The following MAML3 variants were observed in gnomAD, a reference collection of about 807,000 sequenced individuals.
MAML3 encodes the protein mastermind-like protein 3.
Under a neutral mutation model 101.9 loss-of-function variants are expected in MAML3, and 27 were observed. That is an observed-to-expected ratio of 0.27 (90% CI 0.20 to 0.37). The LOEUF is 0.37. Ranked by LOEUF, MAML3 falls within the 10% of genes least tolerant of loss-of-function variation. The pLI is 1.00. For missense variants in MAML3, 1,316 were observed against 1,444.9 expected, an observed-to-expected ratio of 0.91 and a Z score of 1.45; for synonymous variants, 501 against 555.9, an observed-to-expected ratio of 0.90 and a Z score of 1.39.
intron 1 of MAML3, among the ~76,000 whole-genome samples, chr4:140,071,652 T>A (rs990350749): frequency 1.0e-4 from 14 of 140,262 alleles, no homozygotes; most frequent in East Asian, 2.1e-4. Flanking sequence ...TCTCACAGTT[T>A]AAAAAAAAAA....
At chr4:139,873,764 G>A (rs970728857) in intron 2 of MAML3, among the ~76,000 whole-genome samples, 1 of 152,194 alleles carries the variant, frequency 6.6e-6, no homozygotes, top group Admixed American at 6.5e-5. Flanking sequence ...CCCCAGTCAA[G>A]CCTTCAGATG....
intron 1 of MAML3, among the ~76,000 whole-genome samples, chr4:140,058,693 T>C (rs1406811786): frequency 6.6e-6 from 1 of 152,152 alleles, no homozygotes; most frequent in Non-Finnish European, 1.5e-5. Context: ...AGCTTTCTGG[T>C]ATTCCCATTA....
intron 2 of MAML3, among the ~76,000 whole-genome samples, chr4:139,787,420 A>G (rs759780736): frequency 5.9e-5 from 9 of 152,150 alleles, no homozygotes; most frequent in Non-Finnish European, 1.2e-4. Context: ...CTAAATTATT[A>G]TTATTCCTGT....
At chr4:139,814,280 G>C (rs772645282) in intron 2 of MAML3, among the ~76,000 whole-genome samples, 7 of 152,182 alleles carry the variant, frequency 4.6e-5, no homozygotes, top group Non-Finnish European at 8.8e-5. Context: ...AATTTGTAAA[G>C]CTTTGGAGAG....
At chr4:139,994,666 AAATG>A (rs1236173501) in intron 1 of MAML3, among the ~76,000 whole-genome samples, 1 of 152,190 alleles carries the variant, frequency 6.6e-6, no homozygotes, top group African/African-American at 2.4e-5. Context: ...TCTCTAAATT[AAATG>A]AATGAATTAA....
intron 1 of MAML3, among the ~76,000 whole-genome samples, chr4:139,917,855 CG>C (rs938040175): frequency 6.6e-6 from 1 of 152,068 alleles, no homozygotes; most frequent in Non-Finnish European, 1.5e-5. Flanking sequence ...TTCCATGATC[CG>C]TCTATTAAGG....
intron 1 of MAML3, among the ~76,000 whole-genome samples, chr4:140,015,889 G>A (rs929435954): frequency 6.6e-6 from 1 of 152,202 alleles, no homozygotes; most frequent in African/African-American, 2.4e-5. Context: ...AGAGGCGGCA[G>A]TTGTAGTCAG....
chr4:139,754,930 C>T (rs1729613699), intron 2 of MAML3, among the ~76,000 whole-genome samples: 1 of 152,236 alleles, frequency 6.6e-6, no homozygotes, highest in African/African-American at 2.4e-5. Context: ...CAGGAGCAGG[C>T]ATGGTCGGCC....
chr4:139,927,057 GT>G (rs1030216380), intron 1 of MAML3, among the ~76,000 whole-genome samples: 14 of 139,638 alleles, frequency 1.0e-4, no homozygotes, highest in South Asian at 2.3e-4. Context: ...TGTTTAATGA[GT>G]TTTTTTCTTT....
chr4:139,933,504 T>C (rs1432117688), intron 1 of MAML3, among the ~76,000 whole-genome samples: 4 of 152,202 alleles, frequency 2.6e-5, no homozygotes, highest in African/African-American at 9.7e-5. Flanking sequence ...CTCCTTCTCA[T>C]GCACGTGAAT....
At position 139,890,982 on chromosome 4, in the gene MAML3, G is replaced by A. The variant is rs557129145; in HGVS notation, c.469-15C>T. 3.2e-5 allele frequency: 51 copies of A among 1,603,644 alleles called. 1 individual carries two copies. The South Asian group carries it at 5.2e-4, about 16-fold the overall frequency. On this transcript the variant is annotated splice_polypyrimidine_tract_variant and intron_variant, in intron 1 of 4. Transcript: ENST00000509479. This position sits in a 1 kb window ranked among gnomAD's most constrained non-coding sequence, Gnocchi z 4.1. ...GTCTCTTGTAGCTGGAAAAGAAACA[G>A]GAAAGAGGATGACTAAACCTCCAAG... is the stretch of plus-strand genomic sequence containing the variant.
At chr4:139,994,783 G>GT (rs1161141376) in intron 1 of MAML3, among the ~76,000 whole-genome samples, 10 of 149,526 alleles carry the variant, frequency 6.7e-5, no homozygotes, top group South Asian at 2.1e-4. Flanking sequence ...GGTGCTGGTG[G>GT]GGGGTGTGTG....
intron 1 of MAML3, among the ~76,000 whole-genome samples, chr4:139,899,691 C>T (rs752966951): frequency 4.6e-5 from 7 of 152,144 alleles, no homozygotes; most frequent in Non-Finnish European, 5.9e-5. Context: ...TTACAACTCC[C>T]GAAGCCTCCC....
chr4:139,856,879 A>G (rs1731671805), intron 2 of MAML3, among the ~76,000 whole-genome samples: 1 of 152,246 alleles, frequency 6.6e-6, no homozygotes, highest in African/African-American at 2.4e-5. Flanking sequence ...ACAGATGCTT[A>G]AGGCAACAAT....
At chr4:140,021,288 T>C (rs186816330) in intron 1 of MAML3, among the ~76,000 whole-genome samples, 2 of 152,284 alleles carry the variant, frequency 1.3e-5, no homozygotes, top group Admixed American at 1.3e-4. Flanking sequence ...ATTTTCTACC[T>C]TTTAGAAGTG....
At chr4:139,880,179 GAAA>G (rs36094128) in intron 2 of MAML3, among the ~76,000 whole-genome samples, 46,168 of 139,144 alleles carry the variant, frequency 0.33, 7,518 homozygotes, top group East Asian at 0.61. Context: ...TCTCAAAATT[GAAA>G]AAAAAAAAAC....
At chr4:140,032,887 A>G (rs1316749156) in intron 1 of MAML3, among the ~76,000 whole-genome samples, 6 of 152,090 alleles carry the variant, frequency 3.9e-5, no homozygotes, top group Non-Finnish European at 7.4e-5. Context: ...TGTAAAAAAA[A>G]AAAAAAAAAA....
At chr4:140,128,235 G>T (rs908516628) in intron 1 of MAML3, 1 of 152,204 alleles carries the variant, frequency 6.6e-6, no homozygotes, top group African/African-American at 2.4e-5. Context: ...CATAAAAACA[G>T]AGAACTCATC....
chr4:140,112,973 T>A (rs148270474), intron 1 of MAML3, among the ~76,000 whole-genome samples: 101 of 152,308 alleles, frequency 6.6e-4, no homozygotes, highest in African/African-American at 2.3e-3. Flanking sequence ...GTCTATAATA[T>A]TTTATCCTTT....
Sources: allele counts gnomAD v4.1 joint callset (sites outside exome capture counted in the v4.1 genomes callset), GRCh38; gene constraint gnomAD v4.1.1; non-coding constraint Gnocchi (gnomAD v3.1); transcripts MANE v1.5; gene names NCBI Gene and HGNC (gene_info 2026-07-23, HGNC 2026-07-21).